Variants in DRC3 observed in about 807,000 individuals in gnomAD.
DRC3 encodes dynein regulatory complex subunit 3.
Under a neutral mutation model 57.6 loss-of-function variants are expected in DRC3, and 45 were observed. That is an observed-to-expected ratio of 0.78 (90% CI 0.62 to 1.00). DRC3 has a LOEUF of 1.00. Ranked by LOEUF, DRC3 falls within the 50% of genes least tolerant of loss-of-function variation. The probability of loss-of-function intolerance (pLI) is 0.00; values close to 1 mark genes in which losing one functional copy is unlikely to be tolerated. For missense variants in DRC3, 655 were observed against 675.2 expected (o/e 0.97, Z 0.33); for synonymous variants, 257 against 272.3 (o/e 0.94, Z 0.55).
intron 6 of DRC3, chr17:17,993,142 T>C: frequency 2.0e-6 from 1 of 490,902 alleles, no homozygotes; most frequent in Non-Finnish European, 3.7e-6. Context: ...CCACACACTG[T>C]CCCAGGGCCA....
At chr17:18,012,993 T>A (rs2044220756) in intron 12 of DRC3, among the ~76,000 whole-genome samples, 1 of 152,224 alleles carries the variant, frequency 6.6e-6, no homozygotes, top group Non-Finnish European at 1.5e-5. Context: ...ATTAAAAACA[T>A]CTGAACAGAT....
chr17:18,006,725 T>G, intron 11 of DRC3: 1 of 394,580 alleles, frequency 2.5e-6, no homozygotes, highest in Admixed American at 3.8e-5. Context: ...AGACAAGTTG[T>G]AGAGGCAACA....
chr17:17,986,695 C>T (rs951687888), intron 4 of DRC3, among the ~76,000 whole-genome samples: 4 of 151,954 alleles, frequency 2.6e-5, no homozygotes, highest in African/African-American at 9.7e-5. Flanking sequence ...ACTCCTGACC[C>T]CCAAGTGATC....
Position 17,992,823 on chromosome 17 carries a change from T to C in DRC3, c.503T>C (p.Ile168Thr). Reference protein sequence around the residue: ...LRTLSLSRNPISEAEDYKMFI... With the variant: ...LRTLSLSRNPTSEAEDYKMFI... ...ACGCTCAGCCTCTCTAGGAACCCTA[T>C]CTCTGAGGCAGAGGATTACAAGATG... Residue 168 changes from isoleucine to threonine, a missense_variant, in exon 6 of 14, where the codon ATC (isoleucine) becomes ACC (threonine). By Grantham distance (89) the Ile-to-Thr change is moderately conservative. Transcript: ENST00000399187. 6.2e-7 allele frequency: 1 copy of C among 1,613,970 alleles called. No individual in the cohort carries two copies. The highest frequency in any genetic ancestry group is 8.5e-7 in the Non-Finnish European group (1 of 1,179,850).
At chr17:17,996,090 A>C (rs972361802) in intron 8 of DRC3, among the ~76,000 whole-genome samples, 1 of 152,214 alleles carries the variant, frequency 6.6e-6, no homozygotes, top group Non-Finnish European at 1.5e-5. Flanking sequence ...GCGCAATCTC[A>C]GCTCACTGCA....
intron 5 of DRC3, among the ~76,000 whole-genome samples, chr17:17,991,270 C>A: frequency 6.7e-6 from 1 of 149,470 alleles, no homozygotes; most frequent in African/African-American, 2.5e-5. Flanking sequence ...TAGATGCTAT[C>A]CAATGAAGTA....
intron 12 of DRC3, 92 bp downstream of exon 12, chr17:18,007,239 C>G: frequency 1.5e-6 from 1 of 680,710 alleles, no homozygotes; most frequent in South Asian, 2.1e-5. Flanking sequence ...CTGACAACCT[C>G]CCAGAGCCTC....
intron 5 of DRC3, among the ~76,000 whole-genome samples, chr17:17,990,465 G>A (rs754054296): frequency 3.3e-5 from 5 of 152,226 alleles, no homozygotes; most frequent in Admixed American, 6.5e-5. Flanking sequence ...TGCCTGGCAT[G>A]TGCCAAGTTC....
intron 4 of DRC3, among the ~76,000 whole-genome samples, chr17:17,986,603 C>T (rs187315811): frequency 2.6e-4 from 40 of 151,772 alleles, no homozygotes; most frequent in African/African-American, 8.7e-4. Flanking sequence ...GCTGGGATTA[C>T]AGGCATGTGC....
intron 5 of DRC3, among the ~76,000 whole-genome samples, chr17:17,990,972 CAA>C (rs1407394523): frequency 6.6e-6 from 1 of 152,056 alleles, no homozygotes; most frequent in African/African-American, 2.4e-5. Flanking sequence ...GCCTGGGTGA[CAA>C]GAGCAAAACT....
intron 1 of DRC3, 77 bp downstream of exon 1, chr17:17,973,051 T>C (rs1173631344): frequency 6.6e-6 from 1 of 151,880 alleles, no homozygotes; most frequent in African/African-American, 2.4e-5. Context: ...CCTGTGACCT[T>C]TTTCTCGGAG....
At chr17:18,000,191 C>T (rs981347350) in intron 9 of DRC3, among the ~76,000 whole-genome samples, 1 of 133,326 alleles carries the variant, frequency 7.5e-6, no homozygotes, top group Non-Finnish European at 1.6e-5. Context: ...ACTTTGCTTT[C>T]CTCTGTGTGT....
chr17:18,007,253 GT>G, intron 12 of DRC3, 106 bp downstream of exon 12: 1 of 916,744 alleles, frequency 1.1e-6, no homozygotes, highest in East Asian at 2.7e-5. Flanking sequence ...GAGCCTCAGT[GT>G]TCTCATCTGC....
chr17:18,006,369 G>C lies in DRC3; in HGVS notation c.1202+116G>C, dbSNP rs368948256. 6 of 730,692 alleles carry C rather than the reference G, an allele frequency of 8.2e-6. No homozygotes were observed. The East Asian group carries it at 1.3e-4, about 16-fold the overall frequency. The allele number at this position is 730,692 out of a possible 1,614,324, so 45.3% of individuals were successfully genotyped here. A position where few individuals can be genotyped will look rare whatever the true frequency, so the allele number is the denominator to read the frequency against. On this transcript the variant is annotated intron_variant, in intron 11 of 13. Coordinates refer to ENST00000399187, the MANE Select transcript of DRC3 (RefSeq NM_031294.4). ...GTCTGAGGAGGTTTCCCGACCCTCA[G>C]AACAATGATGGCCTGGTTAGAGCTG... is the stretch of plus-strand genomic sequence containing the variant.
At chr17:18,010,172 C>T (rs562739575) in intron 12 of DRC3, among the ~76,000 whole-genome samples, 1 of 152,356 alleles carries the variant, frequency 6.6e-6, no homozygotes, top group Non-Finnish European at 1.5e-5. Context: ...AAGATTCTGG[C>T]TGGCACCAGG....
Position 17,980,784 on chromosome 17 carries a change from G to A in DRC3, c.160+3026G>A, listed in dbSNP as rs949229676. Among the ~76,000 whole-genome samples the A allele has an allele frequency of 4.1e-4, 63 of 151,906 alleles. 1 individual carries two copies. Among genetic ancestry groups the A allele is most frequent in the African/African-American group, 7.3e-5 (3 of 41,318 alleles). On this transcript the variant is annotated intron_variant, in intron 3 of 13. Transcript: ENST00000399187. ...GAATTTCTGTATTTTTAGTAGAGAC[G>A]GGGTTTCACCATGTTGGCCAAGATG...
At chr17:18,016,466 GA>G in intron 13 of DRC3, 91 bp from the exon 14 acceptor site, 2 of 958,778 alleles carry the variant, frequency 2.1e-6, no homozygotes, top group Non-Finnish European at 3.2e-6. Context: ...AGATCTAAAG[GA>G]ACTATTTTCC....
chr17:17,988,622 C>T (rs974606467), intron 5 of DRC3: 9 of 153,482 alleles, frequency 5.9e-5, no homozygotes, highest in Non-Finnish European at 1.2e-4. Flanking sequence ...TAAGCTGCCA[C>T]AGCTGTCGTC....
rs545289640 is a variant in DRC3, at chr17:17,997,090, A to G, written c.825-370A>G. Among the ~76,000 whole-genome samples the G allele has an allele frequency of 1.6e-4, 25 of 152,214 alleles. No individual in the cohort carries two copies. In the East Asian group the frequency reaches 2.5e-3, roughly 15 times the overall value. ...AGAAACGCACACTGCCTGCTTCCCC[A>G]GCTGGGACCGGCTCGCAGGCCCCCA... On this transcript the variant is annotated intron_variant, in intron 8 of 13. Coordinates refer to ENST00000399187, the MANE Select transcript of DRC3 (RefSeq NM_031294.4).
Sources: gnomAD v4.1 joint callset for allele counts (sites outside exome capture counted in the v4.1 genomes callset) on GRCh38, gnomAD v4.1.1 for gene constraint, MANE v1.5 for transcripts, NCBI Gene and HGNC (gene_info 2026-07-23, HGNC 2026-07-21) for gene names.